Variants in PRKAG2 observed in about 807,000 individuals in gnomAD.
The protein encoded by PRKAG2 is protein kinase AMP-activated non-catalytic subunit gamma 2.
Under a neutral mutation model 69.6 loss-of-function variants are expected in PRKAG2, and 26 were observed. That is an observed-to-expected ratio of 0.37 (90% confidence interval 0.27 to 0.52). The LOEUF is 0.52. Ranked by LOEUF, PRKAG2 falls within the 20% of genes least tolerant of loss-of-function variation. PRKAG2 has a pLI of 0.90. For missense variants in PRKAG2, 557 were observed against 740.0 expected, an observed-to-expected ratio of 0.75 and a Z score of 2.87; for synonymous variants, 293 against 285.0, an observed-to-expected ratio of 1.03 and a Z score of -0.28.
chr7:151,760,149 G>T (rs1424546075), intron 3 of PRKAG2, among the ~76,000 whole-genome samples: 1 of 152,180 alleles, frequency 6.6e-6, no homozygotes, highest in Non-Finnish European at 1.5e-5. Context: ...TATACAGCAG[G>T]CAGAGCCCAG....
intron 4 of PRKAG2, among the ~76,000 whole-genome samples, chr7:151,659,649 T>C (rs1830023113): frequency 6.6e-6 from 1 of 152,182 alleles, no homozygotes; most frequent in African/African-American, 2.4e-5. Context: ...ATTGCCCATT[T>C]GTAAGATTGA....
chr7:151,786,594 G>C, intron 1 of PRKAG2, 53 bp from the exon 2 acceptor site: 2 of 1,464,658 alleles, frequency 1.4e-6, no homozygotes, highest in South Asian at 2.4e-5. Context: ...GGGCCCAGGG[G>C]CTGCATGGAA....
At chr7:151,626,295 C>G (rs1267063029) in intron 5 of PRKAG2, among the ~76,000 whole-genome samples, 1 of 152,162 alleles carries the variant, frequency 6.6e-6, no homozygotes, top group Non-Finnish European at 1.5e-5. Flanking sequence ...CCTACCTCAC[C>G]AAGTCGGAGA....
At chr7:151,588,906 G>T (rs980208643) in intron 6 of PRKAG2, among the ~76,000 whole-genome samples, 2 of 152,200 alleles carry the variant, frequency 1.3e-5, no homozygotes, top group Admixed American at 1.3e-4. Context: ...GAATTCCTGG[G>T]CTTATCTGGA....
chr7:151,855,050 CCACACACACCATCCTCCA>C (rs2079684114), intron 1 of PRKAG2, among the ~76,000 whole-genome samples: 1 of 54,216 alleles, frequency 1.8e-5, no homozygotes, highest in Non-Finnish European at 3.4e-5. Context: ...ACACCGCCCT[CCACACACACCATCCTCCA>C]CACACACCAT....
intron 3 of PRKAG2, among the ~76,000 whole-genome samples, chr7:151,729,455 G>A (rs1055171699): frequency 6.6e-6 from 1 of 152,098 alleles, no homozygotes; most frequent in Non-Finnish European, 1.5e-5. Context: ...GGTTGGGGGA[G>A]GGACAGCCTC....
At chr7:151,557,277 G>A (rs1038212833) in intron 15 of PRKAG2, 45 bp from the exon 16 acceptor site, 2 of 1,613,754 alleles carry the variant, frequency 1.2e-6, no homozygotes, top group Non-Finnish European at 1.7e-6. Flanking sequence ...CATGGTAACA[G>A]CAGGGTTCTC....
intron 3 of PRKAG2, among the ~76,000 whole-genome samples, chr7:151,720,814 G>A (rs1272838257): frequency 1.4e-5 from 2 of 142,752 alleles, no homozygotes; most frequent in South Asian, 2.4e-4. Flanking sequence ...GGCAATGGAG[G>A]GTTTGGAGGG....
intron 1 of PRKAG2, among the ~76,000 whole-genome samples, chr7:151,793,865 C>T (rs758468640): frequency 6.6e-6 from 1 of 152,198 alleles, no homozygotes; most frequent in Non-Finnish European, 1.5e-5. Context: ...AAATAAGGAA[C>T]AAATATTGAA....
Position 151,565,336 on chromosome 7 carries a change from A to G in PRKAG2, c.1437+10T>C, listed in dbSNP as rs755295667. 1 of 1,381,460 alleles carries G rather than the reference A, an allele frequency of 7.2e-7. No homozygotes were observed. Among genetic ancestry groups the G allele is most frequent in the Admixed American group, 1.9e-5 (1 of 53,564 alleles). The allele number at this position is 1,381,460 out of a possible 1,614,324, so 85.6% of individuals were successfully genotyped here. On this transcript the variant is annotated intron_variant, in intron 13 of 15. Coordinates refer to ENST00000287878, the MANE Select transcript of PRKAG2 (RefSeq NM_016203.4). ...CTAGGTGACAGATTGAACAAAATTA[A>G]AATACTTACAATTACATCAAATTTG...
At chr7:151,856,051 C>T (rs1254068535) in intron 1 of PRKAG2, among the ~76,000 whole-genome samples, 1 of 152,188 alleles carries the variant, frequency 6.6e-6, no homozygotes, top group Non-Finnish European at 1.5e-5. Context: ...CACATTCTGC[C>T]CTTGGGGTTT....
intron 1 of PRKAG2, among the ~76,000 whole-genome samples, chr7:151,793,790 G>C (rs2077370051): frequency 6.6e-6 from 1 of 152,224 alleles, no homozygotes; most frequent in Non-Finnish European, 1.5e-5. Flanking sequence ...GGCGGCAGGA[G>C]GTGACCAGAG....
intron 10 of PRKAG2, 23 bp from the exon 11 acceptor site, chr7:151,568,865 T>G: frequency 6.2e-7 from 1 of 1,613,024 alleles, no homozygotes; most frequent in Non-Finnish European, 8.5e-7. Context: ...TCATTAAAGT[T>G]GTTAGGAGGC....
chr7:151,569,346 T>C (rs757784164), intron 10 of PRKAG2, among the ~76,000 whole-genome samples: 66 of 152,148 alleles, frequency 4.3e-4, no homozygotes, highest in Non-Finnish European at 6.6e-4. Context: ...GGAAGAGGAG[T>C]TTTTTTAAAG....
chr7:151,670,872 G>A (rs905285363), intron 4 of PRKAG2, among the ~76,000 whole-genome samples: 2 of 147,668 alleles, frequency 1.4e-5, no homozygotes, highest in African/African-American at 5.0e-5. Context: ...ATAAATACAT[G>A]ATAAAATGAG....
At chr7:151,570,308 T>C in intron 9 of PRKAG2, 83 bp from the exon 10 acceptor site, 1 of 1,451,488 alleles carries the variant, frequency 6.9e-7, no homozygotes, top group Non-Finnish European at 9.4e-7. Context: ...CCCTTCAGTT[T>C]ACGGTTAATA....
chr7:151,796,345 G>C (rs2077535458), intron 1 of PRKAG2, among the ~76,000 whole-genome samples: 1 of 152,186 alleles, frequency 6.6e-6, no homozygotes, highest in Non-Finnish European at 1.5e-5. Context: ...AGCTGGACGA[G>C]AGGACAAAGA....
intron 4 of PRKAG2, among the ~76,000 whole-genome samples, chr7:151,668,368 G>A (rs1189756186): frequency 1.3e-5 from 2 of 152,246 alleles, no homozygotes; most frequent in East Asian, 3.9e-4. Context: ...CCAGCCTCAG[G>A]TATATTGTTA....
intron 3 of PRKAG2, among the ~76,000 whole-genome samples, chr7:151,776,302 C>A (rs2076343402): frequency 6.6e-6 from 1 of 152,230 alleles, no homozygotes; most frequent in Non-Finnish European, 1.5e-5. Context: ...CATGTCATAG[C>A]CTTCCTGAGC....
Sources: gnomAD v4.1 joint callset for allele counts (sites outside exome capture counted in the v4.1 genomes callset) on GRCh38, gnomAD v4.1.1 for gene constraint, MANE v1.5 for transcripts, NCBI Gene and HGNC (gene_info 2026-07-23, HGNC 2026-07-21) for gene names.